Variants in NAALADL2 observed in about 807,000 individuals in gnomAD.
NAALADL2 encodes inactive N-acetylated-alpha-linked acidic dipeptidase-like protein 2.
Under a neutral mutation model 87.2 loss-of-function variants are expected in NAALADL2, and 76 were observed. The observed-to-expected ratio is 0.87, with a 90% CI of 0.72 to 1.05. The LOEUF (loss-of-function observed/expected upper bound fraction) is 1.05. Ranked by LOEUF, NAALADL2 falls within the 50% of genes least tolerant of loss-of-function variation. The pLI is 0.00. For missense variants in NAALADL2, 1,089 were observed against 945.8 expected (o/e 1.15, Z -1.99); for synonymous variants, 354 against 331.0 (o/e 1.07, Z -0.75).
At chr3:175,546,491 G>A (rs192340600) in intron 9 of NAALADL2, among the ~76,000 whole-genome samples, 143 of 152,150 alleles carry the variant, frequency 9.4e-4, no homozygotes, top group Admixed American at 6.8e-3. Flanking sequence ...ATTGGTCTGT[G>A]TACTTCCGTG....
intron 11 of NAALADL2, among the ~76,000 whole-genome samples, chr3:175,694,149 G>A (rs16826157): frequency 0.056 from 8,482 of 152,068 alleles, 313 homozygotes; most frequent in African/African-American, 0.1. Flanking sequence ...TCTCTACAAC[G>A]TCAGAATATG....
chr3:175,088,143 T>C (rs1018454154), intron 1 of NAALADL2, among the ~76,000 whole-genome samples: 1 of 152,190 alleles, frequency 6.6e-6, no homozygotes, highest in Non-Finnish European at 1.5e-5. Flanking sequence ...CTGAATCGTA[T>C]AATGGTAGTA....
chr3:174,564,628 AT>A (rs1404351091), intron 2 of NAALADL2, among the ~76,000 whole-genome samples: 7 of 151,892 alleles, frequency 4.6e-5, no homozygotes, highest in African/African-American at 9.7e-5. Context: ...TGATTTATTA[AT>A]TTTTCTATTT....
intron 2 of NAALADL2, among the ~76,000 whole-genome samples, chr3:174,603,373 A>T (rs1406257320): frequency 6.6e-6 from 1 of 151,856 alleles, no homozygotes; most frequent in East Asian, 1.9e-4. Flanking sequence ...CATTTTCTGT[A>T]TATTTTTCAA....
At chr3:174,591,196 T>A (rs1399493350) in intron 2 of NAALADL2, among the ~76,000 whole-genome samples, 1 of 152,220 alleles carries the variant, frequency 6.6e-6, no homozygotes, top group Non-Finnish European at 1.5e-5. Context: ...AGCCTTCCAA[T>A]GGTCTTCTGA....
chr3:174,897,698 G>A (rs1731722082), intron 1 of NAALADL2, among the ~76,000 whole-genome samples: 3 of 152,144 alleles, frequency 2.0e-5, no homozygotes, highest in Admixed American at 6.5e-5. Flanking sequence ...ATCAGTGTAT[G>A]AAAGATATAT....
chr3:175,211,002 A>G (rs1741696645), intron 2 of NAALADL2, among the ~76,000 whole-genome samples: 1 of 151,774 alleles, frequency 6.6e-6, no homozygotes, highest in Admixed American at 6.6e-5. Flanking sequence ...TTTTATTCAC[A>G]GGAAATTAAA....
intron 1 of NAALADL2, among the ~76,000 whole-genome samples, chr3:175,034,859 G>A (rs1753220016): frequency 6.6e-6 from 1 of 152,142 alleles, no homozygotes; most frequent in South Asian, 2.1e-4. Context: ...CATTCAGTAA[G>A]TGTTAGTTAT....
At chr3:175,482,783 A>AAAT in intron 9 of NAALADL2, among the ~76,000 whole-genome samples, 1 of 151,794 alleles carries the variant, frequency 6.6e-6, no homozygotes, top group African/African-American at 2.4e-5. Flanking sequence ...TTGGTCTGGA[A>AAAT]AATTTATGAG....
chr3:175,657,843 T>G (rs1731701804), intron 11 of NAALADL2, among the ~76,000 whole-genome samples: 1 of 152,098 alleles, frequency 6.6e-6, no homozygotes, highest in Non-Finnish European at 1.5e-5. Flanking sequence ...CCCAAAGTGC[T>G]AGGATTACAG....
intron 9 of NAALADL2, among the ~76,000 whole-genome samples, chr3:175,474,322 A>G (rs1479672407): frequency 3.3e-5 from 5 of 152,176 alleles, no homozygotes; most frequent in East Asian, 3.9e-4. Flanking sequence ...ACTGCATTTA[A>G]TTTTTTATAA....
At chr3:175,385,884 C>T (rs940004405) in intron 5 of NAALADL2, among the ~76,000 whole-genome samples, 1 of 152,046 alleles carries the variant, frequency 6.6e-6, no homozygotes, top group African/African-American at 2.4e-5. Flanking sequence ...AACCCAGTGA[C>T]ATCTAGAAGC....
intron 1 of NAALADL2, among the ~76,000 whole-genome samples, chr3:174,986,371 G>C (rs1033327401): frequency 1.3e-5 from 2 of 148,820 alleles, no homozygotes; most frequent in Non-Finnish European, 3.0e-5. Context: ...GTTATGTTTA[G>C]TTGCTGTAGT....
At chr3:175,072,688 C>T (rs866426392) in intron 1 of NAALADL2, among the ~76,000 whole-genome samples, 17 of 84,464 alleles carry the variant, frequency 2.0e-4, no homozygotes, top group Admixed American at 6.4e-4. Flanking sequence ...TATTGAAAAA[C>T]GGGGTGGGGG....
At chr3:175,456,501 A>G (rs1283937242) in intron 6 of NAALADL2, among the ~76,000 whole-genome samples, 1 of 152,068 alleles carries the variant, frequency 6.6e-6, no homozygotes, top group South Asian at 2.1e-4. Context: ...TGAATAATTA[A>G]CTGCCCCTAA....
intron 2 of NAALADL2, among the ~76,000 whole-genome samples, chr3:175,230,436 A>G (rs1390073981): frequency 6.6e-6 from 1 of 152,076 alleles, no homozygotes; most frequent in African/African-American, 2.4e-5. Flanking sequence ...AGAACATACA[A>G]AAACTTCTAT....
chr3:175,005,805 G>A (rs1748939750), intron 1 of NAALADL2, among the ~76,000 whole-genome samples: 1 of 152,106 alleles, frequency 6.6e-6, no homozygotes, highest in Non-Finnish European at 1.5e-5. Flanking sequence ...AGATTTAAGA[G>A]ATCAAAAAGT....
chr3:174,896,832 G>T (rs2109831197), intron 1 of NAALADL2, among the ~76,000 whole-genome samples: 1 of 152,168 alleles, frequency 6.6e-6, no homozygotes, highest in Admixed American at 6.5e-5. Context: ...CAGACACATA[G>T]ACCAATGGAA....
intron 4 of NAALADL2, among the ~76,000 whole-genome samples, chr3:175,311,370 A>G (rs1259698125): frequency 1.3e-5 from 2 of 152,144 alleles, no homozygotes; most frequent in Non-Finnish European, 2.9e-5. Flanking sequence ...GCTTACTGGG[A>G]GAAAAGTACA....
Sources: allele counts gnomAD v4.1 joint callset (sites outside exome capture counted in the v4.1 genomes callset), GRCh38; gene constraint gnomAD v4.1.1; transcripts MANE v1.5; gene names NCBI Gene and HGNC (gene_info 2026-07-23, HGNC 2026-07-21).